APBA1: variants seen among roughly 807,000 people sequenced by gnomAD.
APBA1 encodes amyloid-beta A4 precursor protein-binding family A member 1.
Under a neutral mutation model 86.6 loss-of-function variants are expected in APBA1, and 55 were observed. The observed-to-expected ratio is 0.64, with a 90% CI of 0.51 to 0.80. The LOEUF is 0.80. APBA1 is among the 30% of genes least tolerant of loss of function. The pLI is 0.00. For synonymous variants in APBA1, 511 were observed against 493.9 expected, an observed-to-expected ratio of 1.03 and a Z score of -0.46; for missense variants, 1,090 against 1,183.0, an observed-to-expected ratio of 0.92 and a Z score of 1.15.
At chr9:69,437,142 G>A (rs1834740649) in intron 11 of APBA1, among the ~76,000 whole-genome samples, 1 of 151,792 alleles carries the variant, frequency 6.6e-6, no homozygotes, top group Admixed American at 6.6e-5. Flanking sequence ...TGATCATGGT[G>A]GATAAGCTTT....
At chr9:69,488,511 C>T (rs1013958654) in intron 2 of APBA1, among the ~76,000 whole-genome samples, 1 of 151,952 alleles carries the variant, frequency 6.6e-6, no homozygotes, top group Non-Finnish European at 1.5e-5. Flanking sequence ...CACTTCTTAC[C>T]CATACTTTGA....
chr9:69,489,091 A>AT (rs1430971976), intron 2 of APBA1, among the ~76,000 whole-genome samples: 4 of 152,272 alleles, frequency 2.6e-5, no homozygotes, highest in Non-Finnish European at 5.9e-5. Flanking sequence ...AACCCCATCA[A>AT]GCTACCAATG....
chr9:69,591,563 A>G (rs999282843), intron 1 of APBA1, among the ~76,000 whole-genome samples: 1 of 152,184 alleles, frequency 6.6e-6, no homozygotes, highest in African/African-American at 2.4e-5. Context: ...CTCAGCCTGT[A>G]ACCACCTGAT....
At chr9:69,602,474 G>A (rs531871460) in intron 1 of APBA1, among the ~76,000 whole-genome samples, 1 of 152,144 alleles carries the variant, frequency 6.6e-6, no homozygotes, top group African/African-American at 2.4e-5. Flanking sequence ...GGGAGGCTGA[G>A]GCAGGAGAAT....
Position 69,457,109 on chromosome 9 carries a change from C to T in APBA1, c.1546G>A (p.Glu516Lys), listed in dbSNP as rs765051126. ...APEGESQPMT[E>K]VDLFISTQRI... is the part of the protein sequence containing the mutation. ...TGGGTAGAAATGAAGAGATCCACTTCAGTCATTGGCTGAGATTCGCCTTCA... is the reference window on the plus strand; with the variant it reads ...TGGGTAGAAATGAAGAGATCCACTTTAGTCATTGGCTGAGATTCGCCTTCA... The change falls in exon 7 of 13, where the codon GAA becomes AAA. Residue 516 changes from glutamate to lysine, a missense_variant. By Grantham distance (56) the Glu-to-Lys change is moderately conservative. Around this residue, in one of 6 missense-constraint regions of APBA1, gnomAD observed 76 missense variants for 122.2 expected, o/e 0.62. Coordinates refer to ENST00000265381, the MANE Select transcript of APBA1 (RefSeq NM_001163.4). 13 of 1,614,164 alleles carry T rather than the reference C, an allele frequency of 8.1e-6. No individual in the cohort carries two copies. The highest frequency in any genetic ancestry group is 1.1e-5 in the Non-Finnish European group (13 of 1,180,014).
intron 5 of APBA1, 136 bp downstream of exon 5, chr9:69,467,687 G>A: frequency 8.4e-7 from 1 of 1,193,946 alleles, no homozygotes; most frequent in Non-Finnish European, 1.2e-6. Context: ...GCAGGCACAT[G>A]GATAAGCACT....
At chr9:69,647,596 A>G (rs1024937888) in intron 1 of APBA1, among the ~76,000 whole-genome samples, 10 of 152,216 alleles carry the variant, frequency 6.6e-5, no homozygotes, top group Non-Finnish European at 1.2e-4. Flanking sequence ...CCTCTAACTT[A>G]TTAAGTTATT....
In APBA1 at chr9:69,432,552, G is replaced by A; in HGVS notation, c.2426C>T (p.Ser809Phe). The A allele has an allele frequency of 6.3e-7, 1 of 1,579,144 alleles. No individual in the cohort carries two copies. The highest frequency in any genetic ancestry group is 8.6e-7 in the Non-Finnish European group (1 of 1,163,604). The part of the protein sequence containing the change: ...TPHEKIVHIL[S>F]NAVGEIHMKT... ...CTCTCCTACCTCCCCAACAGCATTGGAGAGAATGTGGACGATCTTCTCGTG... is the reference window on the plus strand; with the variant it reads ...CTCTCCTACCTCCCCAACAGCATTGAAGAGAATGTGGACGATCTTCTCGTG... The change falls in exon 12 of 13, where the codon TCC becomes TTC. Residue 809 changes from serine to phenylalanine, a missense_variant. Physicochemically the swap from Ser to Phe is radical, Grantham distance 155. This residue lies in a region of APBA1 where 119 missense variants were observed against 124.8 expected (regional missense o/e 0.95). Coordinates refer to ENST00000265381, the MANE Select transcript of APBA1 (RefSeq NM_001163.4).
Position 69,516,636 on chromosome 9 carries a change from C to A in APBA1, c.575G>T (p.Gly192Val). The A allele has an allele frequency of 6.2e-7, 1 of 1,608,132 alleles. No individual in the cohort carries two copies. Among genetic ancestry groups the A allele is most frequent in the Admixed American group, 1.7e-5 (1 of 59,858 alleles). The change falls in exon 2 of 13, where the codon GGC becomes GTC. Residue 192 changes from glycine to valine, a missense_variant. Gly to Val is a moderately radical substitution (Grantham distance 109). Transcript: ENST00000265381. The surrounding 1 kb of genome is among the most constrained non-coding windows in gnomAD (Gnocchi z 7.3). ...PYSEPYADYG[G>V]LQEHVYEEIG... ...CTCCTCGTACACGTGCTCCTGGAGG[C>A]CGCCGTAGTCGGCATAGGGCTCGGA...
At chr9:69,658,272 CTTTCTTTCTTTCTCTCTCTCTT>C (rs1823663725) in intron 1 of APBA1, among the ~76,000 whole-genome samples, 3 of 85,490 alleles carry the variant, frequency 3.5e-5, no homozygotes, top group African/African-American at 1.3e-4. Flanking sequence ...TTCTTTCTTT[CTTTCTTTCTTTCTCTCTCTCTT>C]TCTCTCTCTC....
chr9:69,644,250 T>C (rs991467317), intron 1 of APBA1, among the ~76,000 whole-genome samples: 6 of 152,228 alleles, frequency 3.9e-5, no homozygotes, highest in African/African-American at 1.4e-4. Flanking sequence ...AGGTACAGAA[T>C]AGATGTTCCA....
chr9:69,439,364 GCAGAGTGTTTTC>G (rs1834765302), intron 11 of APBA1, among the ~76,000 whole-genome samples: 1 of 151,148 alleles, frequency 6.6e-6, no homozygotes, highest in Non-Finnish European at 1.5e-5. Flanking sequence ...ATAATATCCT[GCAGAGTGTTTTC>G]CAACTTGGTT....
chr9:69,483,588 C>A (rs1835558705), intron 2 of APBA1, among the ~76,000 whole-genome samples: 1 of 152,072 alleles, frequency 6.6e-6, no homozygotes, highest in African/African-American at 2.4e-5. Flanking sequence ...TAAAGGGCCA[C>A]AAATGAACAG....
At chr9:69,585,757 T>C (rs1822006392) in intron 1 of APBA1, among the ~76,000 whole-genome samples, 1 of 152,204 alleles carries the variant, frequency 6.6e-6, no homozygotes, top group Non-Finnish European at 1.5e-5. Flanking sequence ...GTGACTCATT[T>C]CTGGTGATGG....
intron 1 of APBA1, among the ~76,000 whole-genome samples, chr9:69,640,177 C>T (rs1341337701): frequency 6.6e-6 from 1 of 152,090 alleles, no homozygotes; most frequent in Non-Finnish European, 1.5e-5. Flanking sequence ...ACTCCTAAAG[C>T]CATTACTTAC....
intron 9 of APBA1, 94 bp downstream of exon 9, chr9:69,452,028 T>A: frequency 8.3e-7 from 1 of 1,207,050 alleles, no homozygotes; most frequent in Non-Finnish European, 1.2e-6. Context: ...CTCCTCACCA[T>A]TGATCTCCCT....
At chr9:69,602,501 G>A (rs1184159237) in intron 1 of APBA1, among the ~76,000 whole-genome samples, 1 of 151,986 alleles carries the variant, frequency 6.6e-6, no homozygotes, top group Non-Finnish European at 1.5e-5. Context: ...AACCTGGGAG[G>A]TGGAGCGTGC....
chr9:69,442,799 G>A (rs992149609), intron 10 of APBA1, among the ~76,000 whole-genome samples: 1 of 152,148 alleles, frequency 6.6e-6, no homozygotes, highest in African/African-American at 2.4e-5. Context: ...TTTTCAGTGC[G>A]AGGTCAGGAC....
intron 1 of APBA1, among the ~76,000 whole-genome samples, chr9:69,556,431 A>T (rs1266856283): frequency 1.3e-5 from 2 of 152,170 alleles, no homozygotes; most frequent in African/African-American, 4.8e-5. Flanking sequence ...TGTGCTGGAC[A>T]GCCTGTCGGA....
Sources: gnomAD v4.1 joint callset for allele counts (sites outside exome capture counted in the v4.1 genomes callset) on GRCh38, gnomAD v4.1.1 for gene constraint, gnomAD v4.1.1 regional missense constraint, Gnocchi (gnomAD v3.1) non-coding constraint, MANE v1.5 for transcripts, NCBI Gene and HGNC (gene_info 2026-07-23, HGNC 2026-07-21) for gene names.